CREB5: variants seen among roughly 807,000 people sequenced by gnomAD.
CREB5 encodes cAMP responsive element binding protein 5, also known as cyclic AMP-responsive element-binding protein 5.
In CREB5, 19 loss-of-function variants were observed where a neutral mutation model predicts 57.1. The ratio of observed to expected loss-of-function variants is 0.33; its 90% CI spans 0.23 to 0.49. The LOEUF is 0.49. CREB5 is among the 20% of genes least tolerant of loss of function. The probability of loss-of-function intolerance (pLI) is 0.99; values close to 1 mark genes in which losing one functional copy is unlikely to be tolerated. For missense variants in CREB5, 579 were observed against 671.6 expected (o/e 0.86, Z 1.52); for synonymous variants, 238 against 238.3 (o/e 1.00, Z 0.01).
chr7:28,467,448 G>A (rs1479040652), intron 1 of CREB5, among the ~76,000 whole-genome samples: 1 of 152,138 alleles, frequency 6.6e-6, no homozygotes, highest in African/African-American at 2.4e-5. Flanking sequence ...ATACTTCACA[G>A]GTTTCATTCC....
At chr7:28,606,495 A>G (rs116216580) in intron 5 of CREB5, among the ~76,000 whole-genome samples, 2,516 of 152,254 alleles carry the variant, frequency 0.017, 73 homozygotes, top group African/African-American at 0.057. Context: ...ACAGTCATCC[A>G]TCCCTGGGAA....
At chr7:28,358,782 A>C (rs1786399464) in intron 1 of CREB5, among the ~76,000 whole-genome samples, 3 of 152,156 alleles carry the variant, frequency 2.0e-5, no homozygotes. Flanking sequence ...TCTGAGTCAG[A>C]AATGAAACAA....
chr7:28,576,160 C>T (rs1795901764), intron 5 of CREB5, among the ~76,000 whole-genome samples: 1 of 152,184 alleles, frequency 6.6e-6, no homozygotes, highest in South Asian at 2.1e-4. Flanking sequence ...ACACAGCAAG[C>T]CTGCTCTACT....
chr7:28,774,417 G>C (rs1207438441), intron 7 of CREB5, among the ~76,000 whole-genome samples: 2 of 152,100 alleles, frequency 1.3e-5, no homozygotes, highest in African/African-American at 2.4e-5. Context: ...AGTTGTCTAT[G>C]GGTCCTTTTA....
intron 5 of CREB5, among the ~76,000 whole-genome samples, chr7:28,613,931 T>C (rs1356718953): frequency 1.3e-5 from 2 of 152,200 alleles, no homozygotes; most frequent in African/African-American, 4.8e-5. Context: ...AGATGTTATT[T>C]GAATGACATT....
chr7:28,613,544 C>A (rs1367810593), intron 5 of CREB5, among the ~76,000 whole-genome samples: 1 of 152,184 alleles, frequency 6.6e-6, no homozygotes, highest in African/African-American at 2.4e-5. Flanking sequence ...ATGATTGCGA[C>A]CTTAGATTTG....
chr7:28,521,513 A>G (rs1211733445), intron 4 of CREB5, among the ~76,000 whole-genome samples: 5 of 152,170 alleles, frequency 3.3e-5, no homozygotes, highest in Non-Finnish European at 7.3e-5. Context: ...GATCTTTTCT[A>G]TTATTTCCTG....
At chr7:28,505,543 C>T (rs978413741) in intron 3 of CREB5, among the ~76,000 whole-genome samples, 1 of 152,194 alleles carries the variant, frequency 6.6e-6, no homozygotes, top group Non-Finnish European at 1.5e-5. Context: ...CCCCATATTA[C>T]AGTATTCTCA....
At chr7:28,552,439 T>C (rs1420857713) in intron 4 of CREB5, among the ~76,000 whole-genome samples, 2 of 152,186 alleles carry the variant, frequency 1.3e-5, no homozygotes, top group Non-Finnish European at 2.9e-5. Context: ...CCCATGTTTC[T>C]GGTCTCTGGT....
intron 8 of CREB5, 36 bp downstream of exon 8, chr7:28,804,558 T>A (rs751269851): frequency 6.2e-7 from 1 of 1,603,786 alleles, no homozygotes; most frequent in South Asian, 1.1e-5. Context: ...CCCTTCTTAT[T>A]CTCCTTCTTA....
intron 1 of CREB5, among the ~76,000 whole-genome samples, chr7:28,383,110 G>A (rs1185603943): frequency 6.6e-6 from 1 of 152,186 alleles, no homozygotes; most frequent in African/African-American, 2.4e-5. Context: ...ACAGAATGAA[G>A]CCAAGTGGGA....
chr7:28,822,144 G>A lies in CREB5; in HGVS notation c.*2865G>A, dbSNP rs1379525416. The A allele has an allele frequency of 1.3e-5, 2 of 152,092 alleles. No homozygotes were observed. Among genetic ancestry groups the A allele is most frequent in the African/African-American group, 4.8e-5 (2 of 41,434 alleles). 9.4% of individuals were successfully genotyped at this position (152,092 alleles called of 1,614,324 possible). ...AACCAACCACACACATTAGCAAACCGGCCTCAACATATAATTAGAATAAAC... is the reference window on the plus strand; with the variant it reads ...AACCAACCACACACATTAGCAAACCAGCCTCAACATATAATTAGAATAAAC... On this transcript the variant is annotated 3_prime_UTR_variant, in exon 11 of 11. Coordinates refer to ENST00000357727, the MANE Select transcript of CREB5 (RefSeq NM_182898.4).
intron 1 of CREB5, among the ~76,000 whole-genome samples, chr7:28,441,472 G>A (rs73297152): frequency 0.017 from 2,607 of 152,220 alleles, 88 homozygotes; most frequent in African/African-American, 0.059. Context: ...CAGTAAAGTC[G>A]GGCTAATATT....
At chr7:28,718,948 A>G (rs911827588) in intron 6 of CREB5, 69 bp downstream of exon 6, 20 of 1,603,854 alleles carry the variant, frequency 1.2e-5, no homozygotes, top group Non-Finnish European at 1.5e-5. Context: ...TGAAAGGGCA[A>G]AGGAAACTCT....
chr7:28,397,089 T>C (rs1787352581), intron 1 of CREB5, among the ~76,000 whole-genome samples: 1 of 152,168 alleles, frequency 6.6e-6, no homozygotes, highest in Non-Finnish European at 1.5e-5. Flanking sequence ...AACTGATTTC[T>C]CAGGAAGAAT....
chr7:28,467,681 G>A (rs1328347592), intron 1 of CREB5, among the ~76,000 whole-genome samples: 1 of 152,152 alleles, frequency 6.6e-6, no homozygotes, highest in African/African-American at 2.4e-5. Context: ...TTGTTATGAA[G>A]CTACCATGCA....
intron 1 of CREB5, among the ~76,000 whole-genome samples, chr7:28,462,523 G>T (rs191628562): frequency 6.6e-6 from 1 of 152,072 alleles, no homozygotes; most frequent in African/African-American, 2.4e-5. Context: ...TGGCTGCCCC[G>T]TTTTACAAAC....
chr7:28,656,922 C>G (rs1308533712), intron 5 of CREB5, among the ~76,000 whole-genome samples: 1 of 151,894 alleles, frequency 6.6e-6, no homozygotes, highest in Non-Finnish European at 1.5e-5. Context: ...TCAGTGTCCT[C>G]TTGTTTTAGA....
intron 1 of CREB5, among the ~76,000 whole-genome samples, chr7:28,441,796 C>G (rs940717256): frequency 1.3e-5 from 2 of 152,144 alleles, no homozygotes; most frequent in South Asian, 4.1e-4. Context: ...GAATATAAGT[C>G]AAGCTCTTTA....
Sources: allele counts gnomAD v4.1 joint callset (sites outside exome capture counted in the v4.1 genomes callset), GRCh38; gene constraint gnomAD v4.1.1; transcripts MANE v1.5; gene names NCBI Gene and HGNC (gene_info 2026-07-23, HGNC 2026-07-21).